SMAD2: variants seen among roughly 807,000 people sequenced by gnomAD.
SMAD2 encodes the protein MAD homolog 2.
A neutral mutation model predicts 64.4 loss-of-function variants in SMAD2; 8 were observed. The ratio of observed to expected loss-of-function variants is 0.12; its 90% CI spans 0.07 to 0.22. SMAD2 has a LOEUF of 0.22. Among genes scored for constraint, SMAD2 ranks in the 10% least tolerant of loss-of-function variants. SMAD2 has a pLI of 1.00. For synonymous variants in SMAD2, 203 were observed against 195.8 expected (o/e 1.04, Z -0.31); for missense variants, 289 against 561.2 (o/e 0.51, Z 4.90).
chr18:47,850,475 T>A lies in SMAD2; in HGVS notation c.784+799A>T, dbSNP rs1476394239. ...ATTATATATTATACATAATATATAT[T>A]ATATATTATATATTATGTATAATAT... is the stretch of plus-strand genomic sequence containing the variant. On this transcript the variant is annotated intron_variant, in intron 7 of 10. Transcript: ENST00000262160. 1.3e-3 allele frequency among the ~76,000 whole-genome samples: 33 copies of A among 24,868 alleles called. 6 individuals are homozygous for A. Among genetic ancestry groups the A allele is most frequent in the African/African-American group, 5.2e-3 (28 of 5,394 alleles). 16.3% of individuals were successfully genotyped at this position (24,868 alleles called of 152,430 possible). A position where few individuals can be genotyped will look rare whatever the true frequency, so the allele number is the denominator to read the frequency against.
chr18:47,903,292 G>C (rs2033762607), intron 1 of SMAD2, among the ~76,000 whole-genome samples: 1 of 151,796 alleles, frequency 6.6e-6, no homozygotes, highest in Non-Finnish European at 1.5e-5. Flanking sequence ...ATTGCTAAAA[G>C]AAACCTCTGG....
intron 1 of SMAD2, among the ~76,000 whole-genome samples, chr18:47,928,377 C>T (rs912800809): frequency 3.9e-5 from 6 of 152,156 alleles, no homozygotes; most frequent in African/African-American, 1.4e-4. Flanking sequence ...TTTCCATTGA[C>T]ATATATTCCC....
At chr18:47,894,969 C>A (rs1338486506) in intron 2 of SMAD2, among the ~76,000 whole-genome samples, 1 of 152,198 alleles carries the variant, frequency 6.6e-6, no homozygotes, top group African/African-American at 2.4e-5. Context: ...GCTAGCACAG[C>A]CACCACGCCA....
intron 1 of SMAD2, 150 bp from the exon 2 acceptor site, chr18:47,896,959 T>G (rs1247113121): frequency 5.7e-6 from 4 of 698,946 alleles, no homozygotes; most frequent in Non-Finnish European, 9.6e-6. Flanking sequence ...AACGTTATCT[T>G]TATGAATTTA....
In SMAD2 at chr18:47,850,356, AAT is replaced by A. The variant is rs1320243863; in HGVS notation, c.784+916_784+917del. Among the ~76,000 whole-genome samples, 10 of 35,048 alleles carry A rather than the reference AAT, an allele frequency of 2.9e-4. 2 individuals are homozygous for A. Among genetic ancestry groups the A allele is most frequent in the South Asian group, 1.8e-3 (2 of 1,104 alleles). 23.0% of individuals were successfully genotyped at this position (35,048 alleles called of 152,430 possible). A position where few individuals can be genotyped will look rare whatever the true frequency, so the allele number is the denominator to read the frequency against. ...AATATATGTTATATATATTATACATAATATGTATAATATATATTATATATATT... is the reference window on the plus strand; with the variant it reads ...AATATATGTTATATATATTATACATAATGTATAATATATATTATATATATT... On this transcript the variant is annotated intron_variant, in intron 7 of 10. Coordinates refer to ENST00000262160, the MANE Select transcript of SMAD2 (RefSeq NM_005901.6).
chr18:47,842,412 T>G (rs1034394186), intron 10 of SMAD2, among the ~76,000 whole-genome samples: 8 of 151,986 alleles, frequency 5.3e-5, no homozygotes, highest in African/African-American at 1.7e-4. Flanking sequence ...TGGTGGCGTG[T>G]GCCTGTAGTC....
In SMAD2 at chr18:47,836,501, T is replaced by C. The variant is rs972155026; in HGVS notation, c.*5326A>G. On this transcript the variant is annotated 3_prime_UTR_variant, in exon 11 of 11. Coordinates refer to ENST00000262160, the MANE Select transcript of SMAD2 (RefSeq NM_005901.6). ...CAATGGTCTGTCCATGAAAGGAAAA[T>C]GTACACAGACAAATTAAGAACATTT... 4.6e-6 allele frequency: 1 copy of C among 219,454 alleles called. No homozygotes were observed. Among genetic ancestry groups the C allele is most frequent in the Admixed American group, 5.8e-5 (1 of 17,318 alleles). The allele number at this position is 219,454 out of a possible 1,614,324, so 13.6% of individuals were successfully genotyped here.
Position 47,810,408 on chromosome 18 carries a change from A to C in SMAD2, c.*31419T>G, listed in dbSNP as rs1280589419. On this transcript the variant is annotated 3_prime_UTR_variant, in exon 11 of 11. Transcript: ENST00000262160. ...ATGCTGTCAAAGTCAAATGCTATCC[A>C]CCCTCCCTGCCCACCTTAATTGCCC... 2 of 151,340 alleles carry C rather than the reference A, an allele frequency of 1.3e-5. No homozygotes were observed. Among genetic ancestry groups the C allele is most frequent in the African/African-American group, 4.9e-5 (2 of 40,994 alleles). 9.4% of individuals were successfully genotyped at this position (151,340 alleles called of 1,614,324 possible).
chr18:47,884,388 G>A (rs746948600), intron 2 of SMAD2, among the ~76,000 whole-genome samples: 8 of 152,062 alleles, frequency 5.3e-5, no homozygotes, highest in Non-Finnish European at 7.4e-5. Flanking sequence ...AAAGTAACAC[G>A]TCTAAGGTCC....
chr18:47,888,557 A>G (rs971661130), intron 2 of SMAD2, among the ~76,000 whole-genome samples: 1 of 152,208 alleles, frequency 6.6e-6, no homozygotes, highest in Admixed American at 6.5e-5. Context: ...CAAGCTTTCA[A>G]TCAAAATCCC....
rs1052563261 is a variant in SMAD2 at position 47,828,799 on chromosome 18, G to C, written c.*13028C>G. 5.6e-6 allele frequency: 1 copy of C among 179,112 alleles called. No individual in the cohort carries two copies. The highest frequency in any genetic ancestry group is 1.1e-5 in the Non-Finnish European group (1 of 90,180). 11.1% of individuals were successfully genotyped at this position (179,112 alleles called of 1,614,324 possible). A position where few individuals can be genotyped will look rare whatever the true frequency, so the allele number is the denominator to read the frequency against. On this transcript the variant is annotated 3_prime_UTR_variant, in exon 11 of 11. Coordinates refer to ENST00000262160, the MANE Select transcript of SMAD2 (RefSeq NM_005901.6). ...ACCCAGGGACACAAACACTGCAGAA[G>C]GCCGCAGGGTCCTCTGCCTAGGAAA...
At chr18:47,877,839 A>G (rs1275680343) in intron 2 of SMAD2, among the ~76,000 whole-genome samples, 1 of 152,182 alleles carries the variant, frequency 6.6e-6, no homozygotes, top group African/African-American at 2.4e-5. Flanking sequence ...TGAAAATATA[A>G]AAGAAATATA....
chr18:47,830,687 G>A lies in SMAD2; in HGVS notation c.*11140C>T, dbSNP rs976919188. On this transcript the variant is annotated 3_prime_UTR_variant, in exon 11 of 11. Transcript: ENST00000262160. ...AAAATCTTATTTACATGGTACTTAT[G>A]TAGTTTGATCAAATACTGCCACAAT... is the stretch of plus-strand genomic sequence containing the variant. 2 of 152,228 alleles carry A rather than the reference G, an allele frequency of 1.3e-5. No individual in the cohort carries two copies. The highest frequency in any genetic ancestry group is 2.4e-5 in the African/African-American group (1 of 41,300). 9.4% of individuals were successfully genotyped at this position (152,228 alleles called of 1,614,324 possible).
intron 5 of SMAD2, among the ~76,000 whole-genome samples, chr18:47,868,080 G>A (rs1001135989): frequency 6.6e-6 from 1 of 152,020 alleles, no homozygotes; most frequent in African/African-American, 2.4e-5. Flanking sequence ...GCTTCTCACA[G>A]TACTTTGATT....
chr18:47,908,380 C>T (rs1318965261), intron 1 of SMAD2, among the ~76,000 whole-genome samples: 1 of 152,044 alleles, frequency 6.6e-6, no homozygotes, highest in Non-Finnish European at 1.5e-5. Context: ...TCCATTTATA[C>T]ACAGATTTTA....
chr18:47,845,256 T>C lies in SMAD2; in HGVS notation c.1280+84A>G. On this transcript the variant is annotated intron_variant, in intron 10 of 10. Coordinates refer to ENST00000262160, the MANE Select transcript of SMAD2 (RefSeq NM_005901.6). ...ACTCTATAACCTCATTGAAAATAGA[T>C]ACAAATGAACTCCAGAATATGCAAG... The C allele has an allele frequency of 4.5e-6, 6 of 1,328,294 alleles. No individual in the cohort carries two copies. In the South Asian group the frequency reaches 4.7e-5, roughly 10 times the overall value. The allele number at this position is 1,328,294 out of a possible 1,614,324, so 82.3% of individuals were successfully genotyped here. A position where few individuals can be genotyped will look rare whatever the true frequency, so the allele number is the denominator to read the frequency against.
chr18:47,910,505 A>G (rs1218403115), intron 1 of SMAD2, among the ~76,000 whole-genome samples: 1 of 152,174 alleles, frequency 6.6e-6, no homozygotes, highest in East Asian at 1.9e-4. Context: ...ACACAGAAAC[A>G]TTTTTGGAGA....
rs753116963 is a variant in SMAD2 at position 47,835,244 on chromosome 18, C to T, written c.*6583G>A. 3.5e-4 allele frequency: 75 copies of T among 217,018 alleles called. No individual in the cohort carries two copies. The highest frequency in any genetic ancestry group is 5.7e-4 in the Non-Finnish European group (61 of 107,910). The allele number at this position is 217,018 out of a possible 1,614,324, so 13.4% of individuals were successfully genotyped here. A position where few individuals can be genotyped will look rare whatever the true frequency, so the allele number is the denominator to read the frequency against. On this transcript the variant is annotated 3_prime_UTR_variant, in exon 11 of 11. Coordinates refer to ENST00000262160, the MANE Select transcript of SMAD2 (RefSeq NM_005901.6). ...GTCTAAGAAAGTACCAATTTGGGTT[C>T]TATATTTTGTCAAACAGTTGGGTTT...
intron 6 of SMAD2, among the ~76,000 whole-genome samples, chr18:47,858,316 C>A (rs1001901950): frequency 6.6e-6 from 1 of 152,092 alleles, no homozygotes; most frequent in Non-Finnish European, 1.5e-5. Flanking sequence ...GGATTAAGAG[C>A]AGACTCAAAG....
Sources: gnomAD v4.1 joint callset for allele counts (sites outside exome capture counted in the v4.1 genomes callset) on GRCh38, gnomAD v4.1.1 for gene constraint, MANE v1.5 for transcripts, NCBI Gene and HGNC (gene_info 2026-07-23, HGNC 2026-07-21) for gene names.